SPRYD3: variants seen among roughly 807,000 people sequenced by gnomAD.
The protein encoded by SPRYD3 is SPRY domain containing 3.
A neutral mutation model predicts 50.1 loss-of-function variants in SPRYD3; 17 were observed. That is an observed-to-expected ratio of 0.34 (90% CI 0.23 to 0.51). SPRYD3 has a LOEUF of 0.51. Among genes scored for constraint, SPRYD3 ranks in the 20% least tolerant of loss-of-function variants. The probability of loss-of-function intolerance (pLI) is 0.97; values close to 1 mark genes in which losing one functional copy is unlikely to be tolerated. For missense variants in SPRYD3, 401 were observed against 591.2 expected, an observed-to-expected ratio of 0.68 and a Z score of 3.34; for synonymous variants, 198 against 215.5, an observed-to-expected ratio of 0.92 and a Z score of 0.71.
Position 53,065,803 on chromosome 12 carries a change from G to A in SPRYD3, c.*29C>T, listed in dbSNP as rs1258265503. 6 of 1,599,498 alleles carry A rather than the reference G, an allele frequency of 3.8e-6. No homozygotes were observed. The highest frequency in any genetic ancestry group is 5.1e-6 in the Non-Finnish European group (6 of 1,170,842). On this transcript the variant is annotated 3_prime_UTR_variant, in exon 11 of 11. Coordinates refer to ENST00000301463, the MANE Select transcript of SPRYD3 (RefSeq NM_032840.3). ...GCCTGGCCCAGCAGAGGGTGAGCAG[G>A]GAGAAGGAGCAGGTCTGGAGGGGAG...
chr12:53,077,925 G>A (rs1416490754), intron 1 of SPRYD3: 4 of 272,652 alleles, frequency 1.5e-5, no homozygotes, highest in Non-Finnish European at 3.0e-5. Context: ...GATGGCTCAT[G>A]CCTGCAATCC....
In SPRYD3 at chr12:53,074,027, G is replaced by T. The variant is rs1257933403; in HGVS notation, c.508-556C>A. On this transcript the variant is annotated intron_variant, in intron 5 of 10. Coordinates refer to ENST00000301463, the MANE Select transcript of SPRYD3 (RefSeq NM_032840.3). This position sits in a 1 kb window ranked among gnomAD's most constrained non-coding sequence, Gnocchi z 4.6. Reference sequence around the variant, plus strand: ...CCTGACTTGCTGCCAAATACTTTCAGTACGTGTGCTGGACAGGAGAGTGCC... The same window carrying T: ...CCTGACTTGCTGCCAAATACTTTCATTACGTGTGCTGGACAGGAGAGTGCC... 3.3e-5 allele frequency among the ~76,000 whole-genome samples: 5 copies of T among 152,144 alleles called. No individual in the cohort carries two copies. In the East Asian group the frequency reaches 9.6e-4, roughly 29 times the overall value.
Position 53,073,385 on chromosome 12 carries a change from G to A in SPRYD3, c.594C>T (p.His198=), listed in dbSNP as rs1306715875. 3.1e-6 allele frequency: 5 copies of A among 1,587,634 alleles called. No homozygotes were observed. In the African/African-American group the frequency reaches 5.4e-5, roughly 17 times the overall value. ...MHSLGEEVRL[H]LNAELGREDD... ...CCTCACGGCCCAGCTCAGCGTTGAGGTGCAGCCGCACCTCCTCACCCAGGG... is the reference window on the plus strand; with the variant it reads ...CCTCACGGCCCAGCTCAGCGTTGAGATGCAGCCGCACCTCCTCACCCAGGG... Residue 198 remains histidine (H), a synonymous_variant, in exon 6 of 11, where the codon CAC becomes CAT. Transcript: ENST00000301463.
chr12:53,066,010 C>T (rs770980908), intron 10 of SPRYD3, 44 bp from the exon 11 acceptor site: 2 of 1,592,236 alleles, frequency 1.3e-6, no homozygotes, highest in South Asian at 1.1e-5. Flanking sequence ...CAGGCTGTGG[C>T]CTCTTCCCTG....
Position 53,067,792 on chromosome 12 carries a change from C to A in SPRYD3, c.844-87G>T. 1.0e-5 allele frequency: 13 copies of A among 1,258,122 alleles called. No homozygotes were observed. In the South Asian group the frequency reaches 1.6e-4, roughly 15 times the overall value. 77.9% of individuals were successfully genotyped at this position (1,258,122 alleles called of 1,614,324 possible). A position where few individuals can be genotyped will look rare whatever the true frequency, so the allele number is the denominator to read the frequency against. ...GCGAGTAGCATCTGAACCTCTGGGA[C>A]AGACCACAGCCCAGAGAGTGCCAAC... On this transcript the variant is annotated intron_variant, in intron 7 of 10. Coordinates refer to ENST00000301463, the MANE Select transcript of SPRYD3 (RefSeq NM_032840.3).
Position 53,074,739 on chromosome 12 carries a change from G to A in SPRYD3, c.417C>T (p.Cys139=), listed in dbSNP as rs369993120. The change falls in exon 5 of 11, where the codon TGC becomes TGT. Residue 139 remains cysteine (C), a synonymous_variant. Transcript: ENST00000301463. This position sits in a 1 kb window ranked among gnomAD's most constrained non-coding sequence, Gnocchi z 4.6. ...CACAGCCAATCCGGTCCCCGGAGTT[G>A]CACTTTGACCCAAACTGGCGGCCCT... ...RAKGRQFGSK[C]NSGDRIGCGI... is the part of the protein sequence containing the mutation. The A allele has an allele frequency of 3.7e-6, 6 of 1,614,162 alleles. No individual in the cohort carries two copies. Among genetic ancestry groups the A allele is most frequent in the Non-Finnish European group, 4.2e-6 (5 of 1,180,064 alleles).
chr12:53,065,920 A>G lies in SPRYD3; in HGVS notation c.1241T>C (p.Val414Ala). ...NGKIIGKKDAVVPSGGFFPTI... is the reference protein window; with the variant it reads ...NGKIIGKKDAAVPSGGFFPTI... ...GGGGAAGAAGCCTCCAGAAGGAACAACAGCATCCTTCTTCCCAATGATCTT... is the reference window on the plus strand; with the variant it reads ...GGGGAAGAAGCCTCCAGAAGGAACAGCAGCATCCTTCTTCCCAATGATCTT... Residue 414 changes from valine (V) to alanine (A), a missense_variant, in exon 11 of 11, where the codon GTT (valine) becomes GCT (alanine). By Grantham distance (64) the Val-to-Ala change is moderately conservative. Transcript: ENST00000301463. 1 of 1,613,944 alleles carries G rather than the reference A, an allele frequency of 6.2e-7. No individual in the cohort carries two copies. The highest frequency in any genetic ancestry group is 8.5e-7 in the Non-Finnish European group (1 of 1,179,852).
In SPRYD3 at chr12:53,065,985, G is replaced by A. The variant is rs1302904731; in HGVS notation, c.1195-19C>T. The A allele has an allele frequency of 1.2e-6, 2 of 1,608,524 alleles. No homozygotes were observed. The highest frequency in any genetic ancestry group is 1.3e-5 in the African/African-American group (1 of 74,972). ...AGAAAACCTGGGGAGGAGGTGGGGA[G>A]AAGAATGGAGCAAGCAGGCTGTGGC... On this transcript the variant is annotated intron_variant, in intron 10 of 10. Transcript: ENST00000301463.
intron 6 of SPRYD3, among the ~76,000 whole-genome samples, chr12:53,068,951 C>A (rs953124330): frequency 2.0e-5 from 3 of 152,124 alleles, no homozygotes; most frequent in African/African-American, 7.2e-5. Context: ...TCCCTCATTT[C>A]ATGTGAGGGA....
chr12:53,069,896 T>C (rs1333819809), intron 6 of SPRYD3, among the ~76,000 whole-genome samples: 3 of 152,050 alleles, frequency 2.0e-5, no homozygotes, highest in Non-Finnish European at 4.4e-5. Flanking sequence ...ACCCATTCTA[T>C]CCAACTGGCC....
chr12:53,076,011 T>C (rs1944586256), intron 2 of SPRYD3, among the ~76,000 whole-genome samples, 200 bp from the exon 3 acceptor site: 1 of 152,178 alleles, frequency 6.6e-6, no homozygotes, highest in Non-Finnish European at 1.5e-5. Flanking sequence ...CCAGCTGGAA[T>C]CCAACCCGTA....
In SPRYD3 at chr12:53,067,797, C is replaced by T. The variant is rs1249916901; in HGVS notation, c.844-92G>A. 27 of 1,224,188 alleles carry T rather than the reference C, an allele frequency of 2.2e-5. No homozygotes were observed. In the East Asian group the frequency reaches 6.1e-4, roughly 28 times the overall value. 75.8% of individuals were successfully genotyped at this position (1,224,188 alleles called of 1,614,324 possible). A position where few individuals can be genotyped will look rare whatever the true frequency, so the allele number is the denominator to read the frequency against. On this transcript the variant is annotated intron_variant, in intron 7 of 10. Transcript: ENST00000301463. ...TAGCATCTGAACCTCTGGGACAGACCACAGCCCAGAGAGTGCCAACCCTGC... is the reference window on the plus strand; with the variant it reads ...TAGCATCTGAACCTCTGGGACAGACTACAGCCCAGAGAGTGCCAACCCTGC...
At chr12:53,076,278 C>T (rs1178265637) in intron 2 of SPRYD3, among the ~76,000 whole-genome samples, 1 of 152,212 alleles carries the variant, frequency 6.6e-6, no homozygotes, top group East Asian at 1.9e-4. Flanking sequence ...TCTAGTTAAA[C>T]AGTACTACTT....
intron 3 of SPRYD3, 102 bp downstream of exon 3, chr12:53,075,634 T>C: frequency 1.1e-6 from 1 of 950,240 alleles, no homozygotes; most frequent in Non-Finnish European, 1.7e-6. Context: ...TGATGGAAAA[T>C]TAAAAGGCCC....
In SPRYD3 at chr12:53,065,901, G is replaced by A. The variant is rs764988698; in HGVS notation, c.1260C>T (p.Phe420=). 13 of 1,614,032 alleles carry A rather than the reference G, an allele frequency of 8.1e-6. No individual in the cohort carries two copies. The highest frequency in any genetic ancestry group is 9.3e-6 in the Non-Finnish European group (11 of 1,179,938). ...AGCTCAGCATTCCAATGGTGGGGAA[G>A]AAGCCTCCAGAAGGAACAACAGCAT... ...KKDAVVPSGG[F]FPTIGMLSCG... The change falls in exon 11 of 11, where the codon TTC becomes TTT. Residue 420 remains phenylalanine (F), a synonymous_variant. Transcript: ENST00000301463.
At chr12:53,072,189 GAA>G (rs976103810) in intron 6 of SPRYD3, among the ~76,000 whole-genome samples, 4 of 152,156 alleles carry the variant, frequency 2.6e-5, no homozygotes, top group African/African-American at 4.8e-5. Flanking sequence ...GGGGAAAAAG[GAA>G]AGACATGAGA....
intron 6 of SPRYD3, 152 bp from the exon 7 acceptor site, chr12:53,068,456 A>C (rs1034154340): frequency 1.0e-6 from 1 of 972,428 alleles, no homozygotes; most frequent in African/African-American, 1.6e-5. Flanking sequence ...GTGGCCCCAA[A>C]GTTCTAGGCC....
intron 1 of SPRYD3, chr12:53,078,104 G>A (rs2121211552): frequency 2.2e-6 from 1 of 454,894 alleles, no homozygotes; most frequent in East Asian, 7.0e-5. Context: ...GCTTGAGTCT[G>A]GCAGGTCAAG....
Position 53,078,217 on chromosome 12 carries a change from G to A in SPRYD3, c.24-956C>T, listed in dbSNP as rs1030940624. ...AAAAAAATGCCATGATCCTGGGCCT[G>A]GTGGCTCACGTCTGTGATCCCAGCA... is the stretch of plus-strand genomic sequence containing the variant. On this transcript the variant is annotated intron_variant, in intron 1 of 10. Coordinates refer to ENST00000301463, the MANE Select transcript of SPRYD3 (RefSeq NM_032840.3). 4.5e-5 allele frequency: 17 copies of A among 377,878 alleles called. No homozygotes were observed. In the Admixed American group the frequency reaches 4.9e-4, roughly 11 times the overall value. 23.4% of individuals were successfully genotyped at this position (377,878 alleles called of 1,614,324 possible). A position where few individuals can be genotyped will look rare whatever the true frequency, so the allele number is the denominator to read the frequency against.
Sources: allele counts gnomAD v4.1 joint callset (sites outside exome capture counted in the v4.1 genomes callset), GRCh38; gene constraint gnomAD v4.1.1; non-coding constraint Gnocchi (gnomAD v3.1); transcripts MANE v1.5; gene names NCBI Gene and HGNC (gene_info 2026-07-23, HGNC 2026-07-21).